The following TRAPPC2L variants were observed in gnomAD, a reference collection of about 807,000 sequenced individuals.
TRAPPC2L encodes the protein trafficking protein particle complex subunit 2L.
Under a neutral mutation model 13.2 loss-of-function variants are expected in TRAPPC2L, and 17 were observed. That is an observed-to-expected ratio of 1.29 (90% confidence interval 0.88 to 1.93). The LOEUF (loss-of-function observed/expected upper bound fraction) is 1.93, where lower values mean the gene tolerates loss of function less well. Among genes scored for constraint, TRAPPC2L ranks in the 30% most tolerant of loss-of-function variants. TRAPPC2L has a pLI of 0.00. For missense variants in TRAPPC2L, 359 were observed against 252.1 expected (o/e 1.42, Z -2.87); for synonymous variants, 150 against 98.1 (o/e 1.53, Z -3.12).
upstream of TRAPPC2L, chr16:88,856,973 C>T (rs1967958813): frequency 1.4e-6 from 2 of 1,399,012 alleles, no homozygotes; most frequent in Admixed American, 7.2e-5. Flanking sequence ...GCCTGGACGG[C>T]CACGTGACTC....
At chr16:88,856,904 G>A (rs1194057254), upstream of TRAPPC2L, 9 of 1,498,920 alleles carry the variant, frequency 6.0e-6, no homozygotes, top group East Asian at 8.3e-5. Flanking sequence ...GCGGAGCCCC[G>A]GCCAGCGAGC....
At chr16:88,856,795 G>A (rs866416595), upstream of TRAPPC2L, 1 of 1,542,710 alleles carries the variant, frequency 6.5e-7, no homozygotes, top group Admixed American at 1.9e-5. Flanking sequence ...GGGGGGCTGC[G>A]GGGCGCCCGA....
upstream of TRAPPC2L, chr16:88,856,270 G>T (rs1334290827): frequency 7.1e-6 from 5 of 703,044 alleles, no homozygotes; most frequent in African/African-American, 7.0e-5. Context: ...CCAGCGGGGG[G>T]ACCCGGCGGC....
In TRAPPC2L at chr16:88,858,256, TTGGG is replaced by T. The variant is rs538493833; in HGVS notation, c.34-360_34-357del. 7.2e-4 allele frequency among the ~76,000 whole-genome samples: 109 copies of T among 152,234 alleles called. No individual in the cohort carries two copies. The South Asian group carries it at 8.3e-3, about 12-fold the overall frequency. On this transcript the variant is annotated intron_variant, in intron 1 of 3. Coordinates refer to ENST00000565504, the Ensembl canonical transcript of TRAPPC2L. Reference sequence around the variant, plus strand: ...AAAGCCAGTATTGAGGGTGCTGTATTTGGGTGAGCCATGCAGAGTTAGAGGTGGG... The same window carrying T: ...AAAGCCAGTATTGAGGGTGCTGTATTTGAGCCATGCAGAGTTAGAGGTGGG...
chr16:88,856,461 G>A (rs1463001817), upstream of TRAPPC2L: 12 of 700,402 alleles, frequency 1.7e-5, no homozygotes, highest in East Asian at 3.0e-4. Flanking sequence ...CTGCCAGGGA[G>A]GACGCTGTCC....
chr16:88,856,893 C>G (rs1477635354), upstream of TRAPPC2L: 1 of 1,502,028 alleles, frequency 6.7e-7, no homozygotes, highest in East Asian at 2.7e-5. Context: ...CCACGGGAGC[C>G]GCGGAGCCCC....
exon 4 of TRAPPC2L, chr16:88,860,231 G>A (rs1357095803): frequency 1.4e-6 from 1 of 702,960 alleles, no homozygotes; most frequent in African/African-American, 1.7e-5. Context: ...CTTCCCAGGT[G>A]TGCCCAGTGG....
upstream of TRAPPC2L, chr16:88,856,954 C>A (rs953235380): frequency 1.4e-6 from 2 of 1,436,364 alleles, no homozygotes; most frequent in Admixed American, 2.9e-5. Context: ...GGCTGGGCTG[C>A]GGGGCGGGGC....
At chr16:88,857,447 C>G (rs1206139887) in intron 1 of TRAPPC2L, 2 of 442,000 alleles carry the variant, frequency 4.5e-6, no homozygotes, top group South Asian at 8.0e-5. Context: ...CCACCAGAAA[C>G]CTAGGTGGTC....
chr16:88,860,684 C>T, exon 4 of TRAPPC2L: 1 of 609,808 alleles, frequency 1.6e-6, no homozygotes, highest in East Asian at 2.8e-5. Flanking sequence ...CCCTCCTCCA[C>T]CCCTTCCTGG....
At chr16:88,861,644 G>T in exon 4 of TRAPPC2L, 1 of 499,284 alleles carries the variant, frequency 2.0e-6, no homozygotes, top group East Asian at 6.0e-5. Flanking sequence ...TGACGTGGCT[G>T]ACTACCACCC....
intron 1 of TRAPPC2L, 128 bp from the exon 2 acceptor site, chr16:88,858,491 C>A: frequency 1.1e-6 from 1 of 928,506 alleles, no homozygotes. Flanking sequence ...GAGAATGAAG[C>A]GGTGGGCCTT....
exon 4 of TRAPPC2L, chr16:88,860,745 T>A (rs1288007387): frequency 1.4e-6 from 1 of 712,480 alleles, no homozygotes; most frequent in Non-Finnish European, 2.4e-6. Context: ...GGGTTCTCAG[T>A]GCCCGGTGGG....
At chr16:88,860,921 G>C (rs114807450) in exon 4 of TRAPPC2L, 3 of 1,594,468 alleles carry the variant, frequency 1.9e-6, no homozygotes, top group South Asian at 1.1e-5. Flanking sequence ...CAGGGCCTTT[G>C]ATAACATGGT....
chr16:88,856,536 C>G, upstream of TRAPPC2L: 3 of 696,726 alleles, frequency 4.3e-6, no homozygotes, highest in South Asian at 1.5e-5. Flanking sequence ...ACGCCTGGAC[C>G]CCGCGGCCAC....
chr16:88,856,278 G>T (rs917361699), upstream of TRAPPC2L: 2 of 702,908 alleles, frequency 2.8e-6, no homozygotes, highest in Non-Finnish European at 5.2e-6. Flanking sequence ...GGGACCCGGC[G>T]GCCCGAGGTG....
At chr16:88,859,004 A>G (rs1968189422) in intron 2 of TRAPPC2L, 1 of 586,422 alleles carries the variant, frequency 1.7e-6, no homozygotes. Flanking sequence ...TCCCCGTAGA[A>G]TGTTTTGGTT....
upstream of TRAPPC2L, chr16:88,857,121 G>C: frequency 1.9e-6 from 3 of 1,543,118 alleles, no homozygotes; most frequent in Non-Finnish European, 2.6e-6. Flanking sequence ...CGGGTCACGT[G>C]ACGCGGTGCC....
In TRAPPC2L at chr16:88,861,104, G is replaced by C. The variant is rs552380007; in HGVS notation, c.*780G>C. 2.4e-5 allele frequency: 18 copies of C among 748,328 alleles called. No homozygotes were observed. The East Asian group carries it at 4.9e-4, about 20-fold the overall frequency. 46.4% of individuals were successfully genotyped at this position (748,328 alleles called of 1,614,324 possible). ...GCATGTTCTCTCAACTAAAGGTCTT[G>C]TGAGAGGAGATTTGGCTTTTTCCTT... On this transcript the variant is annotated 3_prime_UTR_variant, in exon 4 of 4. Coordinates refer to ENST00000565504, the Ensembl canonical transcript of TRAPPC2L.
Sources: allele counts gnomAD v4.1 joint callset (sites outside exome capture counted in the v4.1 genomes callset), GRCh38; gene constraint gnomAD v4.1.1; transcripts MANE v1.5; gene names NCBI Gene and HGNC (gene_info 2026-07-23, HGNC 2026-07-21).